Variants in CADM2 observed in about 807,000 individuals in gnomAD.
The protein encoded by CADM2 is cell adhesion molecule 2.
In CADM2, 12 loss-of-function variants were observed where a neutral mutation model predicts 49.8. The observed-to-expected ratio is 0.24, with a 90% CI of 0.15 to 0.39. The LOEUF (loss-of-function observed/expected upper bound fraction) is 0.39, where lower values mean the gene tolerates loss of function less well. Ranked by LOEUF, CADM2 falls within the 10% of genes least tolerant of loss-of-function variation. The pLI is 1.00. For missense variants in CADM2, 378 were observed against 492.3 expected, an observed-to-expected ratio of 0.77 and a Z score of 2.20; for synonymous variants, 214 against 175.4, an observed-to-expected ratio of 1.22 and a Z score of -1.74.
intron 1 of CADM2, among the ~76,000 whole-genome samples, chr3:85,196,888 G>T (rs2041357423): frequency 6.6e-6 from 1 of 151,768 alleles, no homozygotes; most frequent in South Asian, 2.1e-4. Flanking sequence ...TCAATTCCCT[G>T]GTAGAAATCA....
intron 1 of CADM2, among the ~76,000 whole-genome samples, chr3:85,587,948 G>T (rs1367032361): frequency 1.3e-5 from 2 of 151,836 alleles, no homozygotes; most frequent in East Asian, 1.9e-4. Flanking sequence ...TGTATTTTTT[G>T]TAAAAACAGG....
At chr3:85,961,346 A>G in intron 7 of CADM2, 123 bp from the exon 8 acceptor site, 1 of 755,720 alleles carries the variant, frequency 1.3e-6, no homozygotes, top group Non-Finnish European at 2.1e-6. Flanking sequence ...TTGGTATCTT[A>G]TAGAAGTTAG....
At chr3:84,979,179 G>A (rs2032013102) in intron 1 of CADM2, among the ~76,000 whole-genome samples, 1 of 152,118 alleles carries the variant, frequency 6.6e-6, no homozygotes, top group Admixed American at 6.6e-5. Context: ...TTTGTCATTA[G>A]ATGAAAAAGT....
chr3:85,209,212 A>G (rs1025623695), intron 1 of CADM2, among the ~76,000 whole-genome samples: 1 of 152,062 alleles, frequency 6.6e-6, no homozygotes, highest in Admixed American at 6.5e-5. Flanking sequence ...AAGATCTACA[A>G]TTTTAGGCTT....
chr3:85,222,196 G>T (rs2042059380), intron 1 of CADM2, among the ~76,000 whole-genome samples: 1 of 152,224 alleles, frequency 6.6e-6, no homozygotes, highest in African/African-American at 2.4e-5. Flanking sequence ...TACGTCTGTC[G>T]TATATCTGAT....
chr3:85,693,332 G>A lies in CADM2; in HGVS notation c.62-33190G>A, dbSNP rs1490083547. On this transcript the variant is annotated intron_variant, in intron 1 of 9. Transcript: ENST00000383699. The stretch of plus-strand genomic sequence containing the variant: ...GTGGTGGCTCACGCCTGTAATCTTA[G>A]CACTTTGGGAGGCCGAGGCAGGCAG... 4.6e-5 allele frequency among the ~76,000 whole-genome samples: 7 copies of A among 152,098 alleles called. No homozygotes were observed. The East Asian group carries it at 1.2e-3, about 25-fold the overall frequency.
At chr3:85,944,082 A>T (rs1331583001) in intron 7 of CADM2, among the ~76,000 whole-genome samples, 1 of 152,104 alleles carries the variant, frequency 6.6e-6, no homozygotes, top group East Asian at 1.9e-4. Flanking sequence ...AGGAAGATCT[A>T]CCAAGCAAAT....
At chr3:85,175,419 A>G (rs934811699) in intron 1 of CADM2, among the ~76,000 whole-genome samples, 3 of 152,188 alleles carry the variant, frequency 2.0e-5, no homozygotes, top group African/African-American at 7.2e-5. Flanking sequence ...GCAAAACATT[A>G]TTCAGTTTTT....
At chr3:85,774,907 C>CTTATATATAT (rs1247672671) in intron 2 of CADM2, among the ~76,000 whole-genome samples, 14 of 151,600 alleles carry the variant, frequency 9.2e-5, no homozygotes, top group African/African-American at 3.4e-4. Context: ...TTTCATGATA[C>CTTATATATAT]ACATGTATAT....
chr3:85,505,945 G>T (rs1425766911), intron 1 of CADM2, among the ~76,000 whole-genome samples: 1 of 151,954 alleles, frequency 6.6e-6, no homozygotes, highest in African/African-American at 2.4e-5. Flanking sequence ...TTTTGCTATA[G>T]GTCAAGTTTT....
intron 1 of CADM2, among the ~76,000 whole-genome samples, chr3:85,572,811 AT>A (rs1384418370): frequency 6.6e-6 from 1 of 152,148 alleles, no homozygotes; most frequent in Non-Finnish European, 1.5e-5. Context: ...CCACCAGCAG[AT>A]TGGATGGTGC....
chr3:85,833,607 A>G (rs964064184), intron 3 of CADM2, among the ~76,000 whole-genome samples: 2 of 151,488 alleles, frequency 1.3e-5, no homozygotes, highest in African/African-American at 4.8e-5. Flanking sequence ...TAAAGTTTTC[A>G]GTCTGTCCCA....
chr3:85,348,993 C>T (rs28568871), intron 1 of CADM2, among the ~76,000 whole-genome samples: 5,894 of 152,004 alleles, frequency 0.039, 393 homozygotes, highest in African/African-American at 0.13. Flanking sequence ...AGTATGAAAA[C>T]GTGAGTCATT....
intron 3 of CADM2, among the ~76,000 whole-genome samples, chr3:85,829,835 A>C (rs1219457724): frequency 1.3e-5 from 2 of 152,012 alleles, no homozygotes; most frequent in Admixed American, 1.3e-4. Flanking sequence ...TGTTGTCCCA[A>C]ATGGCAAAAT....
At position 85,769,531 on chromosome 3, in the gene CADM2, A is replaced by ATATACACGTATATACATATATAG. The variant is rs1577267548; in HGVS notation, c.89-32512_89-32511insCACGTATATACATATATAGTATA. ...TATATACACGTATATACATATATGT[A>ATATACACGTATATACATATATAG]TATATACACGTATATACATATATGT... On this transcript the variant is annotated intron_variant, in intron 2 of 9. Transcript: ENST00000383699. Among the ~76,000 whole-genome samples the ATATACACGTATATACATATATAG allele has an allele frequency of 4.1e-5, 5 of 120,684 alleles. 1 individual carries two copies. The highest frequency in any genetic ancestry group is 1.7e-4 in the African/African-American group (5 of 28,772). 79.2% of individuals were successfully genotyped at this position (120,684 alleles called of 152,430 possible).
Position 85,526,104 on chromosome 3 carries a change from C to T in CADM2, c.62-200418C>T, listed in dbSNP as rs371487866. On this transcript the variant is annotated intron_variant, in intron 1 of 9. Transcript: ENST00000383699. ...AGTCAGCCAGGCCTCTCCTGGATTTCCTGTTCCTCTAGTGGAACTTGAAAA... is the reference window on the plus strand; with the variant it reads ...AGTCAGCCAGGCCTCTCCTGGATTTTCTGTTCCTCTAGTGGAACTTGAAAA... Among the ~76,000 whole-genome samples, 25 of 152,140 alleles carry T rather than the reference C, an allele frequency of 1.6e-4. 1 individual carries two copies. The East Asian group carries it at 4.3e-3, about 26-fold the overall frequency.
chr3:85,828,802 A>C (rs2074045315), intron 3 of CADM2, among the ~76,000 whole-genome samples: 1 of 151,896 alleles, frequency 6.6e-6, no homozygotes, highest in African/African-American at 2.4e-5. Context: ...TGTGAGGGAG[A>C]TAATAATGAC....
intron 8 of CADM2, among the ~76,000 whole-genome samples, chr3:86,017,166 G>T (rs970583527): frequency 9.5e-6 from 1 of 105,114 alleles, no homozygotes. Context: ...GTGTGTGTGT[G>T]TGTATATATA....
intron 1 of CADM2, among the ~76,000 whole-genome samples, chr3:85,409,969 C>T (rs2035581584): frequency 1.3e-5 from 2 of 152,064 alleles, no homozygotes; most frequent in Non-Finnish European, 2.9e-5. Flanking sequence ...CAAATTCTGC[C>T]TTACTGACAA....
Sources: gnomAD v4.1 joint callset for allele counts (sites outside exome capture counted in the v4.1 genomes callset) on GRCh38, gnomAD v4.1.1 for gene constraint, MANE v1.5 for transcripts, NCBI Gene and HGNC (gene_info 2026-07-23, HGNC 2026-07-21) for gene names.